Variants in PLCB4 observed in about 807,000 individuals in gnomAD.
PLCB4 encodes 1-phosphatidylinositol 4,5-bisphosphate phosphodiesterase beta-4.
In PLCB4, 77 loss-of-function variants were observed where a neutral mutation model predicts 178.8. That is an observed-to-expected ratio of 0.43 (90% CI 0.36 to 0.52). The LOEUF (loss-of-function observed/expected upper bound fraction) is 0.52. Among genes scored for constraint, PLCB4 ranks in the 20% least tolerant of loss-of-function variants. PLCB4 has a pLI of 0.00. For synonymous variants in PLCB4, 496 were observed against 490.8 expected (o/e 1.01, Z -0.14); for missense variants, 1,024 against 1,453.4 (o/e 0.70, Z 4.80).
At chr20:9,187,725 A>G (rs538117926) in intron 2 of PLCB4, among the ~76,000 whole-genome samples, 1 of 152,346 alleles carries the variant, frequency 6.6e-6, no homozygotes, top group Admixed American at 6.5e-5. Context: ...TTCCACTGAT[A>G]GAAACTAAGT....
intron 3 of PLCB4, among the ~76,000 whole-genome samples, chr20:9,273,836 T>TTAA (rs2094428551): frequency 6.6e-6 from 1 of 151,994 alleles, no homozygotes; most frequent in South Asian, 2.1e-4. Context: ...CTGAAGGGCT[T>TTAA]TAATCAGGTA....
intron 2 of PLCB4, among the ~76,000 whole-genome samples, chr20:9,127,425 T>C (rs2092145054): frequency 6.6e-6 from 1 of 152,158 alleles, no homozygotes; most frequent in African/African-American, 2.4e-5. Flanking sequence ...CAAGTTTTCA[T>C]CAGTGATCAT....
At chr20:9,310,196 G>T (rs1462030748) in intron 4 of PLCB4, among the ~76,000 whole-genome samples, 1 of 152,098 alleles carries the variant, frequency 6.6e-6, no homozygotes, top group East Asian at 1.9e-4. Context: ...AGCAGAAAAG[G>T]TTCGTTTCTA....
chr20:9,418,471 C>G (rs1302656604), intron 25 of PLCB4, among the ~76,000 whole-genome samples: 1 of 152,088 alleles, frequency 6.6e-6, no homozygotes, highest in Non-Finnish European at 1.5e-5. Context: ...AATCAATTGG[C>G]CATAGATAAC....
Position 9,439,292 on chromosome 20 carries a change from G to A in PLCB4, c.2764+2140G>A, listed in dbSNP as rs7264737. ...TATGCACACATCTGTCATTTGGCAA[G>A]TTGTTTCACATTATCCTGAAGCCTG... On this transcript the variant is annotated intron_variant, in intron 30 of 39. Transcript: ENST00000378473. Among the ~76,000 whole-genome samples, 53 of 152,318 alleles carry A rather than the reference G, an allele frequency of 3.5e-4. 2 individuals are homozygous for A. The highest frequency in any genetic ancestry group is 1.3e-3 in the African/African-American group (52 of 41,588).
chr20:9,378,628 C>T (rs764936024), intron 12 of PLCB4, among the ~76,000 whole-genome samples: 3 of 152,042 alleles, frequency 2.0e-5, no homozygotes, highest in Non-Finnish European at 2.9e-5. Context: ...TTGGTGGCCT[C>T]GAGGCCTGCT....
At chr20:9,144,719 A>AGGGGGAAGG (rs1568831574) in intron 2 of PLCB4, among the ~76,000 whole-genome samples, 1 of 55,452 alleles carries the variant, frequency 1.8e-5, no homozygotes, top group Non-Finnish European at 3.2e-5. Context: ...GAAGGGGAAG[A>AGGGGGAAGG]AGGGGAAGGA....
At chr20:9,352,268 A>G (rs1185515847) in intron 7 of PLCB4, among the ~76,000 whole-genome samples, 2 of 152,236 alleles carry the variant, frequency 1.3e-5, no homozygotes, top group Non-Finnish European at 2.9e-5. Context: ...AAGTGAATAT[A>G]GGCATTAATG....
chr20:9,244,747 A>G (rs549783727), intron 3 of PLCB4, among the ~76,000 whole-genome samples: 43 of 152,282 alleles, frequency 2.8e-4, no homozygotes, highest in African/African-American at 1.0e-3. Flanking sequence ...TCCCTTTTGA[A>G]TTTGCAATAA....
At chr20:9,366,736 T>C (rs886633998) in intron 9 of PLCB4, among the ~76,000 whole-genome samples, 6 of 152,206 alleles carry the variant, frequency 3.9e-5, no homozygotes, top group Admixed American at 6.5e-5. Flanking sequence ...AAGACAGGCA[T>C]GTATCTGGAT....
At chr20:9,229,196 C>CT (rs1313201733) in intron 3 of PLCB4, among the ~76,000 whole-genome samples, 1 of 152,184 alleles carries the variant, frequency 6.6e-6, no homozygotes, top group Non-Finnish European at 1.5e-5. Context: ...GAAGTGTGGA[C>CT]TACAGTCTCC....
At chr20:9,179,160 G>A (rs1451683900) in intron 2 of PLCB4, among the ~76,000 whole-genome samples, 3 of 152,136 alleles carry the variant, frequency 2.0e-5, no homozygotes, top group African/African-American at 7.2e-5. Flanking sequence ...ATTTTGAATA[G>A]GGGACTGTTT....
At chr20:9,142,167 C>T (rs2092505972) in intron 2 of PLCB4, among the ~76,000 whole-genome samples, 1 of 152,050 alleles carries the variant, frequency 6.6e-6, no homozygotes, top group Admixed American at 6.6e-5. Flanking sequence ...GAGACACCTC[C>T]TGGGAGATGT....
chr20:9,340,050 C>A (rs901294076), intron 7 of PLCB4, among the ~76,000 whole-genome samples: 2 of 152,120 alleles, frequency 1.3e-5, no homozygotes, highest in African/African-American at 4.8e-5. Flanking sequence ...GGCATTTTGT[C>A]TTCTCATTAA....
intron 2 of PLCB4, among the ~76,000 whole-genome samples, chr20:9,099,626 G>T (rs945844596): frequency 6.6e-6 from 1 of 151,890 alleles, no homozygotes; most frequent in Non-Finnish European, 1.5e-5. Context: ...GTCATCACTA[G>T]GACTGCTCCA....
chr20:9,192,176 A>T lies in PLCB4; in HGVS notation c.-78-25214A>T, dbSNP rs1019466632. Among the ~76,000 whole-genome samples, 4 of 152,224 alleles carry T rather than the reference A, an allele frequency of 2.6e-5. No homozygotes were observed. The East Asian group carries it at 7.7e-4, about 29-fold the overall frequency. ...CAGAGTGAGCCATCGAGCCGGCAGT[A>T]GGGAGCTGTGTGCCATGATTGATTC... is the stretch of plus-strand genomic sequence containing the variant. On this transcript the variant is annotated intron_variant, in intron 2 of 39. Coordinates refer to ENST00000378473, the MANE Select transcript of PLCB4 (RefSeq NM_001377142.1).
intron 3 of PLCB4, among the ~76,000 whole-genome samples, chr20:9,221,040 A>T (rs1391296167): frequency 6.6e-6 from 1 of 152,202 alleles, no homozygotes; most frequent in East Asian, 1.9e-4. Flanking sequence ...CTCCAGAAGC[A>T]GACTGAGAAG....
intron 32 of PLCB4, among the ~76,000 whole-genome samples, chr20:9,446,948 A>G (rs2042450128): frequency 6.6e-6 from 1 of 152,242 alleles, no homozygotes; most frequent in South Asian, 2.1e-4. Flanking sequence ...CCAAAAAATG[A>G]AAAACTGTTT....
intron 2 of PLCB4, among the ~76,000 whole-genome samples, chr20:9,196,635 A>G (rs1450661900): frequency 3.9e-5 from 6 of 152,214 alleles, no homozygotes; most frequent in South Asian, 2.1e-4. Flanking sequence ...AGGGTTGTGG[A>G]AAGTCATGAA....
Sources: allele counts gnomAD v4.1 joint callset (sites outside exome capture counted in the v4.1 genomes callset), GRCh38; gene constraint gnomAD v4.1.1; transcripts MANE v1.5; gene names NCBI Gene and HGNC (gene_info 2026-07-23, HGNC 2026-07-21).